GDAP2: variants seen among roughly 807,000 people sequenced by gnomAD.
The protein encoded by GDAP2 is ganglioside induced differentiation associated protein 2, also known as ganglioside-induced differentiation-associated protein 2.
Under a neutral mutation model 67.0 loss-of-function variants are expected in GDAP2, and 51 were observed. The ratio of observed to expected loss-of-function variants is 0.76; its 90% CI spans 0.61 to 0.96. GDAP2 has a LOEUF of 0.96. GDAP2 is among the 40% of genes least tolerant of loss of function. The pLI, the probability that GDAP2 is intolerant of heterozygous loss-of-function variation, is 0.00. For missense variants in GDAP2, 547 were observed against 588.3 expected (o/e 0.93, Z 0.73); for synonymous variants, 203 against 207.3 (o/e 0.98, Z 0.18).
rs1276104545 is a variant in GDAP2, at chr1:117,912,446, T to C, written c.470+84A>G. On this transcript the variant is annotated intron_variant, in intron 4 of 13. Transcript: ENST00000369443. ...ACTTCCACTGCTAGGTTTTTAATCT[T>C]TAAAAACTGGGGCCTTTATCTTTAA... 20 of 1,245,910 alleles carry C rather than the reference T, an allele frequency of 1.6e-5. No homozygotes were observed. In the East Asian group the frequency reaches 4.7e-4, roughly 29 times the overall value. The allele number at this position is 1,245,910 out of a possible 1,614,324, so 77.2% of individuals were successfully genotyped here.
intron 3 of GDAP2, chr1:117,913,321 G>C (rs1006560406): frequency 6.6e-6 from 1 of 152,054 alleles, no homozygotes; most frequent in Admixed American, 6.6e-5. Flanking sequence ...GTGCTAAAAA[G>C]AGGAGGTCCA....
rs182491737 is a variant in GDAP2, at chr1:117,865,702, A to T, written c.*4867T>A. 4 of 152,330 alleles carry T rather than the reference A, an allele frequency of 2.6e-5. No homozygotes were observed. In the East Asian group the frequency reaches 7.7e-4, roughly 29 times the overall value. 9.4% of individuals were successfully genotyped at this position (152,330 alleles called of 1,614,324 possible). ...GTGATTTTGTTAGTGTAATTCACCT[A>T]CAGAATACCTATGCTTTTCTTCCTG... On this transcript the variant is annotated 3_prime_UTR_variant, in exon 14 of 14. Transcript: ENST00000369443.
chr1:117,883,342 T>C (rs529748331), intron 11 of GDAP2, 146 bp downstream of exon 11: 1 of 588,066 alleles, frequency 1.7e-6, no homozygotes, highest in African/African-American at 1.9e-5. Context: ...GAGGGTCTCC[T>C]ATGATTGAAG....
intron 6 of GDAP2, among the ~76,000 whole-genome samples, chr1:117,903,221 TAAAG>T (rs1455898215): frequency 6.6e-6 from 1 of 152,204 alleles, no homozygotes; most frequent in African/African-American, 2.4e-5. Context: ...CGTCTGCAAA[TAAAG>T]ATACTTTTAC....
chr1:117,896,578 T>C (rs1649272480), intron 8 of GDAP2: 1 of 314,550 alleles, frequency 3.2e-6, no homozygotes, highest in Non-Finnish European at 5.8e-6. Flanking sequence ...ACTATTGTAG[T>C]AGACAGGGTA....
intron 3 of GDAP2, among the ~76,000 whole-genome samples, chr1:117,916,058 T>C (rs145963661): frequency 2.6e-3 from 398 of 152,344 alleles, no homozygotes; most frequent in Non-Finnish European, 4.3e-3. Context: ...ATAAAAGACA[T>C]ACAGTTCTTG....
intron 9 of GDAP2, 128 bp downstream of exon 9, chr1:117,887,566 ATCTT>A (rs1440406700): frequency 5.8e-6 from 4 of 683,892 alleles, no homozygotes; most frequent in African/African-American, 3.6e-5. Context: ...AGGCAAAACT[ATCTT>A]TATTAGTACA....
intron 9 of GDAP2, among the ~76,000 whole-genome samples, chr1:117,887,057 C>A (rs1648880044): frequency 6.6e-6 from 1 of 151,924 alleles, no homozygotes; most frequent in Non-Finnish European, 1.5e-5. Flanking sequence ...GCCTCCAAAG[C>A]AGCTGGGACT....
intron 1 of GDAP2, among the ~76,000 whole-genome samples, chr1:117,926,921 G>C (rs957504077): frequency 6.6e-6 from 1 of 152,004 alleles, no homozygotes; most frequent in African/African-American, 2.4e-5. Flanking sequence ...TAACATTAAA[G>C]GAGAGCAAGA....
intron 6 of GDAP2, among the ~76,000 whole-genome samples, chr1:117,899,844 T>C (rs1468464705): frequency 2.0e-5 from 3 of 152,314 alleles, no homozygotes; most frequent in Non-Finnish European, 4.4e-5. Flanking sequence ...TAGGAATTGT[T>C]TTCTCATTAC....
At chr1:117,901,043 G>C (rs897872207) in intron 6 of GDAP2, among the ~76,000 whole-genome samples, 1 of 152,178 alleles carries the variant, frequency 6.6e-6, no homozygotes, top group Admixed American at 6.5e-5. Flanking sequence ...CTGGGTAACA[G>C]GGTGAGACTC....
intron 8 of GDAP2, 90 bp downstream of exon 8, chr1:117,896,743 T>C (rs1649276777): frequency 2.6e-6 from 2 of 774,466 alleles, no homozygotes; most frequent in East Asian, 5.3e-5. Flanking sequence ...GAATGCATTA[T>C]ATATACACGT....
chr1:117,877,929 G>T, intron 13 of GDAP2, 80 bp downstream of exon 13: 1 of 1,490,270 alleles, frequency 6.7e-7, no homozygotes, highest in Non-Finnish European at 9.0e-7. Context: ...GTAATGACAG[G>T]ATGTTGTGCT....
At position 117,865,853 on chromosome 1, in the gene GDAP2, A is replaced by G. The variant is rs375928317; in HGVS notation, c.*4716T>C. The G allele has an allele frequency of 2.7e-4, 41 of 152,314 alleles. No individual in the cohort carries two copies. The East Asian group carries it at 3.7e-3, about 14-fold the overall frequency. 9.4% of individuals were successfully genotyped at this position (152,314 alleles called of 1,614,324 possible). On this transcript the variant is annotated 3_prime_UTR_variant, in exon 14 of 14. Transcript: ENST00000369443. ...TAATATCTAAAATGATCTTGATACC[A>G]TCTGTTTAAGGACTAGTTCAGTAAG...
chr1:117,887,219 G>GT (rs1648887981), intron 9 of GDAP2, among the ~76,000 whole-genome samples: 1 of 152,032 alleles, frequency 6.6e-6, no homozygotes, highest in South Asian at 2.1e-4. Flanking sequence ...TATGAGCCAC[G>GT]ATGCCCAGCC....
intron 3 of GDAP2, among the ~76,000 whole-genome samples, 170 bp downstream of exon 3, chr1:117,918,427 T>C (rs1650122503): frequency 6.6e-6 from 1 of 152,222 alleles, no homozygotes. Flanking sequence ...CATTTCAAAA[T>C]GTAATGAATT....
At chr1:117,909,169 A>T (rs571249428) in intron 5 of GDAP2, among the ~76,000 whole-genome samples, 1 of 152,300 alleles carries the variant, frequency 6.6e-6, no homozygotes, top group East Asian at 1.9e-4. Context: ...ATACCCTATA[A>T]TTTGTAAGAA....
chr1:117,883,417 A>G (rs1648734159), intron 11 of GDAP2, 71 bp downstream of exon 11: 2 of 1,090,134 alleles, frequency 1.8e-6, no homozygotes, highest in Non-Finnish European at 2.8e-6. Flanking sequence ...ATACAAAGCA[A>G]TGTTTGCCAC....
chr1:117,882,001 T>C (rs1013284220), intron 11 of GDAP2, 124 bp from the exon 12 acceptor site: 13 of 591,426 alleles, frequency 2.2e-5, no homozygotes, highest in Non-Finnish European at 4.0e-5. Context: ...TAAAGACAGC[T>C]ATAATTTACA....
Sources: allele counts gnomAD v4.1 joint callset (sites outside exome capture counted in the v4.1 genomes callset), GRCh38; gene constraint gnomAD v4.1.1; transcripts MANE v1.5; gene names NCBI Gene and HGNC (gene_info 2026-07-23, HGNC 2026-07-21).